The following RAB5B variants were observed in gnomAD, a reference collection of about 807,000 sequenced individuals.
The protein encoded by RAB5B is ras-related protein Rab-5B.
A neutral mutation model predicts 28.6 loss-of-function variants in RAB5B; 11 were observed. That is an observed-to-expected ratio of 0.38 (90% confidence interval 0.24 to 0.64). The LOEUF is 0.64. RAB5B is among the 30% of genes least tolerant of loss of function. The pLI, the probability that RAB5B is intolerant of heterozygous loss-of-function variation, is 0.53. For synonymous variants in RAB5B, 93 were observed against 97.9 expected, an observed-to-expected ratio of 0.95 and a Z score of 0.29; for missense variants, 169 against 265.6, an observed-to-expected ratio of 0.64 and a Z score of 2.53.
chr12:55,986,726 C>A (rs1479733692), intron 1 of RAB5B, 143 bp from the exon 2 acceptor site: 1 of 563,020 alleles, frequency 1.8e-6, no homozygotes, highest in Non-Finnish European at 3.2e-6. Context: ...CCAACTCTTA[C>A]CACTGAGGAT....
intron 1 of RAB5B, chr12:55,980,682 A>T: frequency 6.3e-7 from 1 of 1,589,768 alleles, no homozygotes; most frequent in African/African-American, 1.3e-5. Context: ...TTCCCTAGCA[A>T]GAGGTGCTCC....
In RAB5B at chr12:55,992,125, G is replaced by A. The variant is rs752663993; in HGVS notation, c.561G>A (p.Gln187=). The change falls in exon 6 of 6, where the codon CAG becomes CAA. Residue 187 remains glutamine (Q), a synonymous_variant. Coordinates refer to ENST00000360299, the MANE Select transcript of RAB5B (RefSeq NM_002868.4). ...AGAAGTTGCCAAAGAGTGAACCCCAGAATCTGGGAGGTGCAGCAGGCCGAA... is the reference window on the plus strand; with the variant it reads ...AGAAGTTGCCAAAGAGTGAACCCCAAAATCTGGGAGGTGCAGCAGGCCGAA... ...IAKKLPKSEP[Q]NLGGAAGRSR... 4 of 1,614,138 alleles carry A rather than the reference G, an allele frequency of 2.5e-6. No homozygotes were observed. The highest frequency in any genetic ancestry group is 2.2e-5 in the East Asian group (1 of 44,878).
chr12:55,984,178 C>G (rs560831191), intron 1 of RAB5B, among the ~76,000 whole-genome samples: 1 of 151,642 alleles, frequency 6.6e-6, no homozygotes, highest in Admixed American at 6.6e-5. Context: ...CCAACCACAC[C>G]CGGCTAATTT....
At chr12:55,991,250 A>T in intron 4 of RAB5B, 110 bp from the exon 5 acceptor site, 1 of 756,298 alleles carries the variant, frequency 1.3e-6, no homozygotes, top group Non-Finnish European at 2.3e-6. Flanking sequence ...GGTATTAATT[A>T]AGGGGAGGGA....
chr12:55,977,075 C>T (rs183478945), intron 1 of RAB5B, among the ~76,000 whole-genome samples: 4 of 152,116 alleles, frequency 2.6e-5, no homozygotes, highest in African/African-American at 4.8e-5. Context: ...CCTAGGTTCA[C>T]GCGATTCTCC....
intron 1 of RAB5B, among the ~76,000 whole-genome samples, chr12:55,975,059 T>C (rs1291810535): frequency 6.6e-6 from 1 of 152,166 alleles, no homozygotes; most frequent in Non-Finnish European, 1.5e-5. Context: ...AGAAGTTGGA[T>C]TGGGGGCATG....
chr12:55,992,541 C>A lies in RAB5B; in HGVS notation c.*329C>A. On this transcript the variant is annotated 3_prime_UTR_variant, in exon 6 of 6. Coordinates refer to ENST00000360299, the MANE Select transcript of RAB5B (RefSeq NM_002868.4). ...TTTTCTCCTCCTCCCTAGTGTTCCT[C>A]CCCATTTTTTCAGAAAACACTTCTG... 2.0e-6 allele frequency: 1 copy of A among 496,202 alleles called. No homozygotes were observed. Among genetic ancestry groups the A allele is most frequent in the South Asian group, 1.5e-5 (1 of 64,878 alleles). 30.7% of individuals were successfully genotyped at this position (496,202 alleles called of 1,614,324 possible).
At position 55,994,521 on chromosome 12, in the gene RAB5B, T is replaced by G. The variant is rs1372980113; in HGVS notation, c.*2309T>G. The stretch of plus-strand genomic sequence containing the variant: ...GGGATCTTAGTTTTCTTTTGTTTAT[T>G]TCCCAGCTCATTTTTTTCTTCTGGT... On this transcript the variant is annotated 3_prime_UTR_variant, in exon 6 of 6. Transcript: ENST00000360299. 6.6e-6 allele frequency: 1 copy of G among 152,316 alleles called. No individual in the cohort carries two copies. The highest frequency in any genetic ancestry group is 2.4e-5 in the African/African-American group (1 of 41,358). The allele number at this position is 152,316 out of a possible 1,614,324, so 9.4% of individuals were successfully genotyped here.
chr12:55,976,473 A>T (rs1240860844), intron 1 of RAB5B, among the ~76,000 whole-genome samples: 2 of 152,202 alleles, frequency 1.3e-5, no homozygotes, highest in Admixed American at 1.3e-4. Context: ...ACAAAACTTT[A>T]TGGGGAGAAA....
At chr12:55,985,014 A>T (rs965513418) in intron 1 of RAB5B, among the ~76,000 whole-genome samples, 2 of 152,228 alleles carry the variant, frequency 1.3e-5, no homozygotes, top group Admixed American at 6.5e-5. Context: ...TCAAATACTT[A>T]AAATACTTTA....
At chr12:55,985,138 T>A (rs1889918216) in intron 1 of RAB5B, among the ~76,000 whole-genome samples, 1 of 152,220 alleles carries the variant, frequency 6.6e-6, no homozygotes, top group Non-Finnish European at 1.5e-5. Context: ...ATATATTTAG[T>A]GACTTGCTCA....
Position 55,995,117 on chromosome 12 carries a change from A to T in RAB5B, c.*2905A>T, listed in dbSNP as rs1484713766. ...ATTTCTTTTTTTTTTTTTAATTGAG[A>T]CGGAGTCTCTGTCGCTAGCCTGGAG... is the stretch of plus-strand genomic sequence containing the variant. On this transcript the variant is annotated 3_prime_UTR_variant, in exon 6 of 6. Coordinates refer to ENST00000360299, the MANE Select transcript of RAB5B (RefSeq NM_002868.4). 2.7e-5 allele frequency: 4 copies of T among 150,914 alleles called. No homozygotes were observed. The highest frequency in any genetic ancestry group is 5.9e-5 in the Non-Finnish European group (4 of 67,824). 9.3% of individuals were successfully genotyped at this position (150,914 alleles called of 1,614,324 possible).
At chr12:55,978,844 C>G (rs942191596) in intron 1 of RAB5B, among the ~76,000 whole-genome samples, 1 of 148,988 alleles carries the variant, frequency 6.7e-6, no homozygotes, top group African/African-American at 2.5e-5. Flanking sequence ...GCAATCTGTG[C>G]TCACTGCAAC....
chr12:55,991,885 C>T (rs983424016), intron 5 of RAB5B: 24 of 511,626 alleles, frequency 4.7e-5, no homozygotes, highest in Non-Finnish European at 7.7e-5. Flanking sequence ...CGAGATTGTG[C>T]CACTGCACTC....
At position 55,996,214 on chromosome 12, in the gene RAB5B, C is replaced by T. The variant is rs1336704891; in HGVS notation, c.*4002C>T. The T allele has an allele frequency of 1.3e-5, 2 of 151,106 alleles. No individual in the cohort carries two copies. The highest frequency in any genetic ancestry group is 1.9e-4 in the East Asian group (1 of 5,174). 9.4% of individuals were successfully genotyped at this position (151,106 alleles called of 1,614,324 possible). A position where few individuals can be genotyped will look rare whatever the true frequency, so the allele number is the denominator to read the frequency against. ...CTGGTAAAAGCTCTAGTTGGAGAGC[C>T]GAAAGGAAAGGAAATGATCTTTCAA... is the stretch of plus-strand genomic sequence containing the variant. On this transcript the variant is annotated 3_prime_UTR_variant, in exon 6 of 6. Transcript: ENST00000360299.
intron 1 of RAB5B, among the ~76,000 whole-genome samples, chr12:55,977,266 C>T (rs1386052341): frequency 7.0e-6 from 1 of 142,670 alleles, no homozygotes; most frequent in African/African-American, 2.7e-5. Context: ...TGAGCCACCG[C>T]GCCTGGCCGT....
At chr12:55,989,757 T>C (rs1256149282) in intron 2 of RAB5B, among the ~76,000 whole-genome samples, 190 bp from the exon 3 acceptor site, 1 of 152,244 alleles carries the variant, frequency 6.6e-6, no homozygotes, top group Non-Finnish European at 1.5e-5. Flanking sequence ...AGGAAGGACT[T>C]AGCCAAGGGC....
At chr12:55,984,506 G>A (rs1200520690) in intron 1 of RAB5B, among the ~76,000 whole-genome samples, 1 of 151,796 alleles carries the variant, frequency 6.6e-6, no homozygotes, top group African/African-American at 2.4e-5. Flanking sequence ...TTGAGACGGA[G>A]TCTCGCTCTG....
rs1163535431 is a variant in RAB5B, at chr12:55,975,790, CTTTTT to C, written c.-93+1669_-93+1673del. On this transcript the variant is annotated intron_variant, in intron 1 of 5. Coordinates refer to ENST00000360299, the MANE Select transcript of RAB5B (RefSeq NM_002868.4). ...ACCAATATATTTTATCACTACATTT[CTTTTT>C]TTTTTTTTTTTTTTTTTGAGACGGA... Among the ~76,000 whole-genome samples the C allele has an allele frequency of 3.0e-4, 35 of 115,154 alleles. No individual in the cohort carries two copies. The South Asian group carries it at 0.012, about 40-fold the overall frequency. 75.5% of individuals were successfully genotyped at this position (115,154 alleles called of 152,430 possible).
Sources: allele counts gnomAD v4.1 joint callset (sites outside exome capture counted in the v4.1 genomes callset), GRCh38; gene constraint gnomAD v4.1.1; transcripts MANE v1.5; gene names NCBI Gene and HGNC (gene_info 2026-07-23, HGNC 2026-07-21).